Variants in PEX5L observed in about 807,000 individuals in gnomAD.
PEX5L encodes the protein peroxisomal biogenesis factor 5 like, also known as PEX5-related protein.
Under a neutral mutation model 84.0 loss-of-function variants are expected in PEX5L, and 30 were observed. The ratio of observed to expected loss-of-function variants is 0.36; its 90% CI spans 0.27 to 0.48. PEX5L has a LOEUF of 0.48. PEX5L is among the 20% of genes least tolerant of loss of function. The pLI is 0.99. For synonymous variants in PEX5L, 270 were observed against 283.1 expected (o/e 0.95, Z 0.46); for missense variants, 533 against 754.6 (o/e 0.71, Z 3.44).
At chr3:179,912,661 T>G (rs1043211757) in intron 2 of PEX5L, among the ~76,000 whole-genome samples, 2 of 152,046 alleles carry the variant, frequency 1.3e-5, no homozygotes, top group African/African-American at 4.8e-5. Context: ...GTTTGAAAAT[T>G]TAGAATTGGT....
intron 2 of PEX5L, among the ~76,000 whole-genome samples, chr3:179,949,228 T>A (rs1454631944): frequency 2.6e-5 from 4 of 152,154 alleles, no homozygotes; most frequent in Non-Finnish European, 5.9e-5. Flanking sequence ...AAAAAAAAAA[T>A]AAGTAGTTTT....
At chr3:179,970,704 A>C (rs942828714) in intron 2 of PEX5L, among the ~76,000 whole-genome samples, 17 of 152,092 alleles carry the variant, frequency 1.1e-4, no homozygotes, top group Non-Finnish European at 2.4e-4. Context: ...CCCTGAATGC[A>C]ACTGTTATGA....
At chr3:179,926,154 G>A (rs1283835391) in intron 2 of PEX5L, among the ~76,000 whole-genome samples, 2 of 152,072 alleles carry the variant, frequency 1.3e-5, no homozygotes, top group African/African-American at 2.4e-5. Flanking sequence ...TCTTGAATGC[G>A]ACCACTTCTC....
At chr3:180,023,771 C>CAGAGAGAG (rs139045124) in intron 1 of PEX5L, among the ~76,000 whole-genome samples, 2 of 102,812 alleles carry the variant, frequency 1.9e-5, no homozygotes, top group South Asian at 2.5e-4. Flanking sequence ...CGCACACACA[C>CAGAGAGAG]AGAGAGAGAG....
chr3:179,965,180 C>T (rs1783030857), intron 2 of PEX5L, among the ~76,000 whole-genome samples: 1 of 152,212 alleles, frequency 6.6e-6, no homozygotes, highest in Non-Finnish European at 1.5e-5. Context: ...TGCCGAATGT[C>T]TAATAGTAAA....
intron 2 of PEX5L, among the ~76,000 whole-genome samples, chr3:179,916,756 G>T (rs1481376403): frequency 6.6e-6 from 1 of 151,994 alleles, no homozygotes; most frequent in Non-Finnish European, 1.5e-5. Flanking sequence ...TGCAACCTCT[G>T]CCTCCTAAGT....
chr3:179,815,839 C>A (rs1253267820), intron 10 of PEX5L, 22 bp downstream of exon 10: 3 of 1,613,272 alleles, frequency 1.9e-6, no homozygotes, highest in Non-Finnish European at 1.7e-6. Context: ...CTGAGTCTGG[C>A]AGAATGAAGG....
chr3:179,828,474 C>G, intron 8 of PEX5L, among the ~76,000 whole-genome samples: 1 of 152,146 alleles, frequency 6.6e-6, no homozygotes, highest in East Asian at 1.9e-4. Context: ...CTGCCACAGT[C>G]AGCACCAGGT....
intron 8 of PEX5L, among the ~76,000 whole-genome samples, chr3:179,833,066 A>G (rs977095912): frequency 6.6e-6 from 1 of 152,232 alleles, no homozygotes; most frequent in Non-Finnish European, 1.5e-5. Context: ...GGGCCTTAGG[A>G]CATCCAGTCC....
At chr3:180,024,295 G>A (rs1210869957) in intron 1 of PEX5L, among the ~76,000 whole-genome samples, 2 of 146,604 alleles carry the variant, frequency 1.4e-5, no homozygotes, top group Non-Finnish European at 1.5e-5. Flanking sequence ...GGATCACGAG[G>A]TCAGGAGATT....
intron 8 of PEX5L, among the ~76,000 whole-genome samples, chr3:179,849,197 C>T (rs1740800568): frequency 6.6e-6 from 1 of 152,150 alleles, no homozygotes; most frequent in Admixed American, 6.5e-5. Context: ...TAACTTTTGT[C>T]ATTTCTGTAC....
At chr3:180,022,021 C>T (rs1041825482) in intron 1 of PEX5L, among the ~76,000 whole-genome samples, 1 of 151,776 alleles carries the variant, frequency 6.6e-6, no homozygotes, top group Non-Finnish European at 1.5e-5. Context: ...ATTTCTATTA[C>T]TTATTGATTC....
chr3:179,933,885 G>A (rs1487370542), intron 2 of PEX5L, among the ~76,000 whole-genome samples: 1 of 152,194 alleles, frequency 6.6e-6, no homozygotes, highest in Non-Finnish European at 1.5e-5. Context: ...ACCTTGAGTA[G>A]CACTGCTTTA....
Position 179,975,280 on chromosome 3 carries a change from A to G in PEX5L, c.22-3615T>C, listed in dbSNP as rs147237270. 4.3e-3 allele frequency among the ~76,000 whole-genome samples: 651 copies of G among 152,328 alleles called. 2 individuals carry two copies. The highest frequency in any genetic ancestry group is 0.015 in the African/African-American group (617 of 41,578). On this transcript the variant is annotated intron_variant, in intron 1 of 14. Transcript: ENST00000467460. ...GGAACATTTTGCAAGTAAGTAACACAACAATGAAATCTGATGGGCTAGAGA... is the reference window on the plus strand; with the variant it reads ...GGAACATTTTGCAAGTAAGTAACACGACAATGAAATCTGATGGGCTAGAGA...
chr3:179,825,793 C>G (rs114718144), intron 8 of PEX5L, among the ~76,000 whole-genome samples: 2,590 of 152,264 alleles, frequency 0.017, 93 homozygotes, highest in African/African-American at 0.059. Flanking sequence ...TAAGAGTAAG[C>G]GTTAAGCGAA....
chr3:179,983,792 T>G (rs557257644), intron 1 of PEX5L, among the ~76,000 whole-genome samples: 1 of 152,190 alleles, frequency 6.6e-6, no homozygotes, highest in East Asian at 1.9e-4. Flanking sequence ...TTTAGAAACT[T>G]GAATCAGCCA....
intron 2 of PEX5L, chr3:179,902,549 T>C (rs1578227127): frequency 3.1e-6 from 1 of 322,768 alleles, no homozygotes; most frequent in Non-Finnish European, 6.2e-6. Context: ...GTATTTCATA[T>C]ATATACAAAC....
At chr3:180,008,338 T>A (rs746057530) in intron 1 of PEX5L, among the ~76,000 whole-genome samples, 1 of 152,210 alleles carries the variant, frequency 6.6e-6, no homozygotes, top group Non-Finnish European at 1.5e-5. Context: ...AGCCTGGACC[T>A]TACTGTCCAT....
At chr3:179,826,522 C>T (rs1354709575) in intron 8 of PEX5L, among the ~76,000 whole-genome samples, 2 of 152,260 alleles carry the variant, frequency 1.3e-5, no homozygotes, top group African/African-American at 4.8e-5. Context: ...TTTGCAGGGC[C>T]AGTTTCTCAG....
Sources: gnomAD v4.1 joint callset for allele counts (sites outside exome capture counted in the v4.1 genomes callset) on GRCh38, gnomAD v4.1.1 for gene constraint, MANE v1.5 for transcripts, NCBI Gene and HGNC (gene_info 2026-07-23, HGNC 2026-07-21) for gene names.